MSL1: variants seen among roughly 807,000 people sequenced by gnomAD.
MSL1 encodes male-specific lethal 1 homolog.
A neutral mutation model predicts 64.6 loss-of-function variants in MSL1; 21 were observed. The ratio of observed to expected loss-of-function variants is 0.33; its 90% CI spans 0.23 to 0.47. MSL1 has a LOEUF of 0.47. Ranked by LOEUF, MSL1 falls within the 20% of genes least tolerant of loss-of-function variation. The pLI is 1.00. For missense variants in MSL1, 664 were observed against 793.2 expected (o/e 0.84, Z 1.96); for synonymous variants, 339 against 329.6 (o/e 1.03, Z -0.31).
At position 40,123,299 on chromosome 17, in the gene MSL1, A is replaced by G. The variant is rs1326488203; in HGVS notation, c.687A>G (p.Gln229=). ...GCCTCAAACAGATCCTTCTGCTGCA[A>G]TTGGACCTCATCGAACAGCAGCAGC... ...AACLKQILLL[Q]LDLIEQQQQQ... is the part of the protein sequence containing the mutation. Residue 229 remains glutamine, a synonymous_variant, in exon 1 of 9, where the codon CAA becomes CAG. Transcript: ENST00000398532. 2 of 1,536,050 alleles carry G rather than the reference A, an allele frequency of 1.3e-6. No homozygotes were observed. The highest frequency in any genetic ancestry group is 1.7e-6 in the Non-Finnish European group (2 of 1,146,874).
chr17:40,132,187 G>A, intron 5 of MSL1, 89 bp downstream of exon 5: 4 of 893,350 alleles, frequency 4.5e-6, no homozygotes, highest in Non-Finnish European at 6.9e-6. Flanking sequence ...TACTATGGAT[G>A]AATTAAATAA....
At position 40,122,577 on chromosome 17, in the gene MSL1, C is replaced by T. The variant is rs1988205211; in HGVS notation, c.-36C>T. ...GCACCTCGCCCCTTCCCCACCCCCT[C>T]CTCCGCCTCGGTGCCCGGCGCTGCT... On this transcript the variant is annotated 5_prime_UTR_variant, in exon 1 of 9. Coordinates refer to ENST00000398532, the MANE Select transcript of MSL1 (RefSeq NM_001365919.1). The surrounding 1 kb of genome is among the most constrained non-coding windows in gnomAD (Gnocchi z 4.2). The T allele has an allele frequency of 3.6e-6, 5 of 1,385,092 alleles. No homozygotes were observed. The highest frequency in any genetic ancestry group is 2.6e-4 in the Middle Eastern group (1 of 3,904). 85.8% of individuals were successfully genotyped at this position (1,385,092 alleles called of 1,614,324 possible). A position where few individuals can be genotyped will look rare whatever the true frequency, so the allele number is the denominator to read the frequency against.
At position 40,129,328 on chromosome 17, in the gene MSL1, C is replaced by G. The variant is rs775186411; in HGVS notation, c.1076C>G (p.Pro359Arg). The change falls in exon 3 of 9, where the codon CCT becomes CGT. Residue 359 changes from proline to arginine, a missense_variant. Transcript: ENST00000398532. ...TTTTCAAAAGTCAAAACAAAAACTC[C>G]TAAGCACTCTCCTATTAAAGAGGAA... Reference protein sequence around the residue: ...PEFSKVKTKTPKHSPIKEEPC... With the variant: ...PEFSKVKTKTRKHSPIKEEPC... 1.2e-6 allele frequency: 2 copies of G among 1,607,086 alleles called. No homozygotes were observed. The highest frequency in any genetic ancestry group is 2.7e-5 in the African/African-American group (2 of 74,206).
intron 1 of MSL1, 147 bp from the exon 2 acceptor site, chr17:40,126,036 C>G (rs1988305963): frequency 1.5e-6 from 1 of 675,560 alleles, no homozygotes; most frequent in Non-Finnish European, 2.5e-6. Flanking sequence ...GAAAACTGTT[C>G]AGATTAATGT....
chr17:40,122,118 C>T lies in MSL1; in HGVS notation c.-495C>T, dbSNP rs996027941. Among the ~76,000 whole-genome samples the T allele has an allele frequency of 6.6e-6, 1 of 151,458 alleles. No homozygotes were observed. The highest frequency in any genetic ancestry group is 2.0e-4 in the East Asian group (1 of 5,110). Reference sequence around the variant, plus strand: ...CCCCGGGAGAGGCGACAGACCCCCTCTCCCGGAGTAGGAGGGCTTTGGGCG... The same window carrying T: ...CCCCGGGAGAGGCGACAGACCCCCTTTCCCGGAGTAGGAGGGCTTTGGGCG... On this transcript the variant is annotated 5_prime_UTR_variant, in exon 1 of 9. Coordinates refer to ENST00000398532, the MANE Select transcript of MSL1 (RefSeq NM_001365919.1). This position sits in a 1 kb window ranked among gnomAD's most constrained non-coding sequence, Gnocchi z 4.2.
Position 40,122,710 on chromosome 17 carries a change from G to A in MSL1, c.98G>A (p.Gly33Glu). 1 of 1,480,942 alleles carries A rather than the reference G, an allele frequency of 6.8e-7. No homozygotes were observed. Among genetic ancestry groups the A allele is most frequent in the Non-Finnish European group, 8.9e-7 (1 of 1,123,440 alleles). 91.7% of individuals were successfully genotyped at this position (1,480,942 alleles called of 1,614,324 possible). Residue 33 changes from glycine (G) to glutamate (E), a missense_variant, in exon 1 of 9, where the codon GGG becomes GAG. Physicochemically the swap from Gly to Glu is moderately conservative, Grantham distance 98 (BLOSUM62 -2). Transcript: ENST00000398532. This position sits in a 1 kb window ranked among gnomAD's most constrained non-coding sequence, Gnocchi z 4.2. ...TACGAGCGGGCTGCGGCGCTGGGCG[G>A]GCCCGAGGACGAGCCTGGGGCGGCC... is the stretch of plus-strand genomic sequence containing the variant. Reference protein sequence around the residue: ...LDYERAAALGGPEDEPGAAEA... With the variant: ...LDYERAAALGEPEDEPGAAEA...
At chr17:40,124,031 G>A (rs191191550) in intron 1 of MSL1, among the ~76,000 whole-genome samples, 116 of 152,260 alleles carry the variant, frequency 7.6e-4, no homozygotes, top group Admixed American at 1.6e-3. Flanking sequence ...AGATTTTAGG[G>A]CATCAGGGGA....
chr17:40,122,617 C>T lies in MSL1; in HGVS notation c.5C>T (p.Thr2Ile). The T allele has an allele frequency of 1.3e-6, 2 of 1,482,054 alleles. No individual in the cohort carries two copies. The highest frequency in any genetic ancestry group is 2.9e-5 in the African/African-American group (2 of 68,352). 91.8% of individuals were successfully genotyped at this position (1,482,054 alleles called of 1,614,324 possible). Reference protein sequence around the residue: MTMRSAVFKAAA... With the variant: MIMRSAVFKAAA... The stretch of plus-strand genomic sequence containing the variant: ...CCGGCGCTGCTCCGGACCACTATGA[C>T]CATGAGATCCGCGGTGTTCAAGGCG... The change falls in exon 1 of 9, where the codon ACC (threonine) becomes ATC (isoleucine). Residue 2 changes from threonine to isoleucine, a missense_variant. Physicochemically the swap from Thr to Ile is moderately conservative, Grantham distance 89. Transcript: ENST00000398532. The surrounding 1 kb of genome is among the most constrained non-coding windows in gnomAD (Gnocchi z 4.2).
intron 5 of MSL1, 122 bp from the exon 6 acceptor site, chr17:40,132,920 C>T (rs764697360): frequency 9.4e-6 from 8 of 853,082 alleles, no homozygotes; most frequent in Non-Finnish European, 1.5e-5. Flanking sequence ...ATGGAACCCA[C>T]AGACTCAGGT....
At position 40,134,570 on chromosome 17, in the gene MSL1, T is replaced by G. The variant is rs536194813; in HGVS notation, c.*201T>G. 11 of 561,206 alleles carry G rather than the reference T, an allele frequency of 2.0e-5. No homozygotes were observed. The South Asian group carries it at 2.0e-4, about 10-fold the overall frequency. 34.8% of individuals were successfully genotyped at this position (561,206 alleles called of 1,614,324 possible). ...GCTAATTGTGAGTTATGGAGGGTGA[T>G]TGGGATTTCTTTTCCCTTTTTTGGG... On this transcript the variant is annotated 3_prime_UTR_variant, in exon 9 of 9. Coordinates refer to ENST00000398532, the MANE Select transcript of MSL1 (RefSeq NM_001365919.1).
At chr17:40,132,594 G>A (rs566289794) in intron 5 of MSL1, among the ~76,000 whole-genome samples, 1 of 152,152 alleles carries the variant, frequency 6.6e-6, no homozygotes, top group South Asian at 2.1e-4. Context: ...AGCCAAGATC[G>A]CACCACTGCA....
chr17:40,127,303 C>T (rs1988340420), intron 2 of MSL1, among the ~76,000 whole-genome samples: 1 of 150,202 alleles, frequency 6.7e-6, no homozygotes, highest in Admixed American at 6.6e-5. Context: ...CCACTGCACT[C>T]CAGCCTGGGT....
chr17:40,129,604 C>A lies in MSL1; in HGVS notation c.1352C>A (p.Pro451Gln), dbSNP rs1463184540. 1 of 1,609,278 alleles carries A rather than the reference C, an allele frequency of 6.2e-7. No individual in the cohort carries two copies. The highest frequency in any genetic ancestry group is 1.7e-5 in the Admixed American group (1 of 59,180). Residue 451 changes from proline to glutamine, a missense_variant, in exon 3 of 9, where the codon CCA (proline) becomes CAA (glutamine). Physicochemically the swap from Pro to Gln is moderately conservative, Grantham distance 76. This residue lies in a region of MSL1 where 119 missense variants were observed against 164.3 expected (regional missense o/e 0.72). Transcript: ENST00000398532. ...PSPLPLRESS[P>Q]KKEETVARCL... Reference sequence around the variant, plus strand: ...CCGTTACCATTACGGGAATCCTCTCCAAAGAAGGAGGAGACTGTAGCAAGT... The same window carrying A: ...CCGTTACCATTACGGGAATCCTCTCAAAAGAAGGAGGAGACTGTAGCAAGT...
Position 40,122,623 on chromosome 17 carries a change from G to A in MSL1, c.11G>A (p.Arg4Lys), listed in dbSNP as rs1192363817. 2 of 1,485,794 alleles carry A rather than the reference G, an allele frequency of 1.3e-6. No individual in the cohort carries two copies. The highest frequency in any genetic ancestry group is 4.5e-5 in the Admixed American group (2 of 44,194). The allele number at this position is 1,485,794 out of a possible 1,614,324, so 92.0% of individuals were successfully genotyped here. A position where few individuals can be genotyped will look rare whatever the true frequency, so the allele number is the denominator to read the frequency against. Residue 4 changes from arginine to lysine, a missense_variant, in exon 1 of 9, where the codon AGA (arginine) becomes AAA (lysine). This residue lies in a region of MSL1 where 466 missense variants were observed against 499.0 expected (regional missense o/e 0.93). Coordinates refer to ENST00000398532, the MANE Select transcript of MSL1 (RefSeq NM_001365919.1). The surrounding 1 kb of genome is among the most constrained non-coding windows in gnomAD (Gnocchi z 4.2). Reference protein sequence around the residue: MTMRSAVFKAAAAP... With the variant: MTMKSAVFKAAAAP... ...CTGCTCCGGACCACTATGACCATGA[G>A]ATCCGCGGTGTTCAAGGCGGCCGCG...
At position 40,136,092 on chromosome 17, in the gene MSL1, TATGTG is replaced by T. The variant is rs1264231732; in HGVS notation, c.*1726_*1730del. The T allele has an allele frequency of 2.0e-5, 3 of 152,326 alleles. No homozygotes were observed. Among genetic ancestry groups the T allele is most frequent in the Non-Finnish European group, 4.4e-5 (3 of 68,030 alleles). The allele number at this position is 152,326 out of a possible 1,614,324, so 9.4% of individuals were successfully genotyped here. A position where few individuals can be genotyped will look rare whatever the true frequency, so the allele number is the denominator to read the frequency against. Reference sequence around the variant, plus strand: ...GCTGTTCAGTTTTCTTACTCTTACCTATGTGATATTTCTTCGTAACGTGTCCAAAA... The same window carrying T: ...GCTGTTCAGTTTTCTTACTCTTACCTATATTTCTTCGTAACGTGTCCAAAA... On this transcript the variant is annotated 3_prime_UTR_variant, in exon 9 of 9. Transcript: ENST00000398532.
chr17:40,123,264 C>G lies in MSL1; in HGVS notation c.652C>G (p.Gln218Glu). 3 of 1,535,814 alleles carry G rather than the reference C, an allele frequency of 2.0e-6. No homozygotes were observed. The highest frequency in any genetic ancestry group is 2.6e-6 in the Non-Finnish European group (3 of 1,146,882). ...GGGGGSGASS[Q>E]AACLKQILLL... is the part of the protein sequence containing the mutation. ...TGGTGGCGGCTCGGGAGCCTCCAGT[C>G]AGGCCGCCTGCCTCAAACAGATCCT... Residue 218 changes from glutamine (Q) to glutamate (E), a missense_variant, in exon 1 of 9, where the codon CAG (glutamine) becomes GAG (glutamate). Around this residue, in one of 4 missense-constraint regions of MSL1, gnomAD observed 466 missense variants for 499.0 expected, o/e 0.93. Transcript: ENST00000398532.
At chr17:40,128,267 T>C (rs1430175626) in intron 2 of MSL1, among the ~76,000 whole-genome samples, 1 of 151,600 alleles carries the variant, frequency 6.6e-6, no homozygotes, top group East Asian at 1.9e-4. Context: ...TGGTACAGGG[T>C]TGGGGGAAAA....
Position 40,131,498 on chromosome 17 carries a change from T to C in MSL1, c.1376-39T>C. 1 of 1,603,272 alleles carries C rather than the reference T, an allele frequency of 6.2e-7. No individual in the cohort carries two copies. The highest frequency in any genetic ancestry group is 8.5e-7 in the Non-Finnish European group (1 of 1,170,468). ...CATTTGGGGTATGGGCTTTTTTTCT[T>C]TTTACACTGAGATTATTCTTCTTTC... On this transcript the variant is annotated intron_variant, in intron 3 of 8. Coordinates refer to ENST00000398532, the MANE Select transcript of MSL1 (RefSeq NM_001365919.1). The surrounding 1 kb of genome is among the most constrained non-coding windows in gnomAD (Gnocchi z 4.5).
chr17:40,126,478 A>T (rs1238102878), intron 2 of MSL1, 72 bp downstream of exon 2: 2 of 1,390,280 alleles, frequency 1.4e-6, no homozygotes, highest in East Asian at 4.7e-5. Context: ...GGATTTATGA[A>T]TTGGTTTTAT....
Sources: allele counts gnomAD v4.1 joint callset (sites outside exome capture counted in the v4.1 genomes callset), GRCh38; gene constraint gnomAD v4.1.1; regional missense constraint gnomAD v4.1.1; non-coding constraint Gnocchi (gnomAD v3.1); transcripts MANE v1.5; gene names NCBI Gene and HGNC (gene_info 2026-07-23, HGNC 2026-07-21).